SFRP1: variants seen among roughly 807,000 people sequenced by gnomAD.
SFRP1 encodes secreted frizzled-related protein 1.
In SFRP1, 9 loss-of-function variants were observed where a neutral mutation model predicts 25.9. The observed-to-expected ratio is 0.35, with a 90% CI of 0.21 to 0.61. The LOEUF (loss-of-function observed/expected upper bound fraction) is 0.61, where lower values mean the gene tolerates loss of function less well. SFRP1 is among the 20% of genes least tolerant of loss of function. The probability of loss-of-function intolerance (pLI) is 0.78; values close to 1 mark genes in which losing one functional copy is unlikely to be tolerated. For missense variants in SFRP1, 346 were observed against 418.2 expected (o/e 0.83, Z 1.51); for synonymous variants, 178 against 174.0 (o/e 1.02, Z -0.18).
intron 2 of SFRP1, among the ~76,000 whole-genome samples, chr8:41,266,777 G>C (rs1803440840): frequency 6.6e-6 from 1 of 152,148 alleles, no homozygotes; most frequent in African/African-American, 2.4e-5. Flanking sequence ...TATTGGTTTA[G>C]TATTTTAACA....
At chr8:41,269,899 C>T (rs1803482742) in intron 2 of SFRP1, among the ~76,000 whole-genome samples, 1 of 152,156 alleles carries the variant, frequency 6.6e-6, no homozygotes, top group Admixed American at 6.5e-5. Flanking sequence ...AGAGCGCCTT[C>T]GTCAGGTGAA....
At chr8:41,290,870 T>C (rs1803767708) in intron 2 of SFRP1, among the ~76,000 whole-genome samples, 4 of 129,562 alleles carry the variant, frequency 3.1e-5, no homozygotes, top group South Asian at 3.1e-4. Context: ...TGTCTTCTTC[T>C]CCTCCTCTTC....
chr8:41,280,570 G>T (rs1803623174), intron 2 of SFRP1, among the ~76,000 whole-genome samples: 1 of 152,182 alleles, frequency 6.6e-6, no homozygotes, highest in African/African-American at 2.4e-5. Context: ...ACAAGTCACG[G>T]GGCAGAGGTT....
chr8:41,306,660 G>A (rs1281051329), intron 1 of SFRP1: 7 of 1,561,714 alleles, frequency 4.5e-6, no homozygotes, highest in Admixed American at 1.8e-5. Flanking sequence ...CCCCACTCCC[G>A]ACCGGCCCTC....
chr8:41,270,789 T>G (rs902110883), intron 2 of SFRP1, among the ~76,000 whole-genome samples: 1 of 138,742 alleles, frequency 7.2e-6, no homozygotes, highest in African/African-American at 2.8e-5. Context: ...CACACTGCAC[T>G]CCAGCCTGGG....
chr8:41,296,967 G>A (rs1483641829), intron 2 of SFRP1, among the ~76,000 whole-genome samples: 1 of 152,174 alleles, frequency 6.6e-6, no homozygotes, highest in East Asian at 1.9e-4. Context: ...TTAGGGTTTG[G>A]CTTTCCGAGG....
At chr8:41,303,732 T>C (rs1400765197) in intron 1 of SFRP1, among the ~76,000 whole-genome samples, 194 bp from the exon 2 acceptor site, 3 of 152,146 alleles carry the variant, frequency 2.0e-5, no homozygotes, top group Non-Finnish European at 4.4e-5. Flanking sequence ...GCAGGTTTCT[T>C]GAAACATTTT....
chr8:41,292,686 C>A (rs370160864), intron 2 of SFRP1, among the ~76,000 whole-genome samples: 4 of 152,168 alleles, frequency 2.6e-5, no homozygotes, highest in East Asian at 1.9e-4. Context: ...GCTAAAATCT[C>A]TTTGGATGTT....
rs551503937 is a variant in SFRP1, at chr8:41,290,976, G to A, written c.622+12485C>T. 7.2e-5 allele frequency among the ~76,000 whole-genome samples: 9 copies of A among 125,626 alleles called. No homozygotes were observed. The South Asian group carries it at 1.6e-3, about 23-fold the overall frequency. 82.4% of individuals were successfully genotyped at this position (125,626 alleles called of 152,430 possible). ...GGCTAGAATGCAGTGGCGCGATCTC[G>A]GCTCACTGCAAGCTCCACCTCCCAG... On this transcript the variant is annotated intron_variant, in intron 2 of 2. Transcript: ENST00000220772.
Position 41,300,871 on chromosome 8 carries a change from G to A in SFRP1, c.622+2590C>T, listed in dbSNP as rs1364724881. 2.0e-5 allele frequency among the ~76,000 whole-genome samples: 3 copies of A among 152,212 alleles called. No individual in the cohort carries two copies. The South Asian group carries it at 6.2e-4, about 32-fold the overall frequency. On this transcript the variant is annotated intron_variant, in intron 2 of 2. Coordinates refer to ENST00000220772, the MANE Select transcript of SFRP1 (RefSeq NM_003012.5). The stretch of plus-strand genomic sequence containing the variant: ...ATCTAAGTCTTGGCTCCCACATCTG[G>A]TGCTTGATCCAGGCTGATCAGCTGC...
intron 2 of SFRP1, among the ~76,000 whole-genome samples, chr8:41,285,597 A>T (rs1021706252): frequency 1.4e-4 from 22 of 152,092 alleles, no homozygotes; most frequent in African/African-American, 5.3e-4. Flanking sequence ...GGAGCCAGGG[A>T]CCCTGAGGCC....
chr8:41,301,816 T>A (rs1022414969), intron 2 of SFRP1, among the ~76,000 whole-genome samples: 2 of 152,204 alleles, frequency 1.3e-5, no homozygotes, highest in African/African-American at 4.8e-5. Flanking sequence ...CCGTGACTGG[T>A]TATCGACATG....
intron 2 of SFRP1, among the ~76,000 whole-genome samples, chr8:41,283,443 A>G (rs1041601509): frequency 9.8e-5 from 15 of 152,290 alleles, no homozygotes; most frequent in Admixed American, 9.8e-4. Flanking sequence ...TGTTTCAGCC[A>G]TGCTCAAGAT....
At chr8:41,273,857 G>A (rs1174661708) in intron 2 of SFRP1, among the ~76,000 whole-genome samples, 1 of 152,160 alleles carries the variant, frequency 6.6e-6, no homozygotes, top group Non-Finnish European at 1.5e-5. Context: ...GGGAGAGGAA[G>A]AGTCAGACCT....
chr8:41,305,300 A>G (rs908552269), intron 1 of SFRP1, among the ~76,000 whole-genome samples: 3 of 152,244 alleles, frequency 2.0e-5, no homozygotes, highest in African/African-American at 7.2e-5. Flanking sequence ...CACTCACTGC[A>G]TCTCCTCTGG....
chr8:41,271,900 G>C (rs1803513912), intron 2 of SFRP1, among the ~76,000 whole-genome samples: 1 of 152,134 alleles, frequency 6.6e-6, no homozygotes, highest in Non-Finnish European at 1.5e-5. Flanking sequence ...GGGAGATTGA[G>C]GCTGCAGTGA....
At chr8:41,275,325 G>T (rs752496049) in intron 2 of SFRP1, 14 of 301,920 alleles carry the variant, frequency 4.6e-5, no homozygotes, top group South Asian at 2.9e-4. Context: ...TTTCCAAAAG[G>T]TGCTGTTAAA....
chr8:41,275,414 A>T (rs531141920), intron 2 of SFRP1: 1 of 238,572 alleles, frequency 4.2e-6, no homozygotes, highest in African/African-American at 2.4e-5. Context: ...TTTTCCCTAA[A>T]TTGCTTTCTT....
intron 1 of SFRP1, among the ~76,000 whole-genome samples, chr8:41,303,782 G>C (rs539885044): frequency 6.6e-6 from 1 of 152,310 alleles, no homozygotes; most frequent in African/African-American, 2.4e-5. Flanking sequence ...ATTTAAGCCA[G>C]CATAACCTGA....
Sources: gnomAD v4.1 joint callset for allele counts (sites outside exome capture counted in the v4.1 genomes callset) on GRCh38, gnomAD v4.1.1 for gene constraint, MANE v1.5 for transcripts, NCBI Gene and HGNC (gene_info 2026-07-23, HGNC 2026-07-21) for gene names.